RHBDL2: variants seen among roughly 807,000 people sequenced by gnomAD.
RHBDL2 encodes rhomboid-related protein 2.
Under a neutral mutation model 31.7 loss-of-function variants are expected in RHBDL2, and 26 were observed. The observed-to-expected ratio is 0.82, with a 90% CI of 0.60 to 1.14. The LOEUF (loss-of-function observed/expected upper bound fraction) is 1.14. RHBDL2 is among the 50% of genes most tolerant of loss of function. The pLI is 0.00. For synonymous variants in RHBDL2, 123 were observed against 127.2 expected, an observed-to-expected ratio of 0.97 and a Z score of 0.22; for missense variants, 336 against 364.4, an observed-to-expected ratio of 0.92 and a Z score of 0.63.
At chr1:38,905,542 G>A (rs1456259980) in intron 4 of RHBDL2, among the ~76,000 whole-genome samples, 1 of 151,076 alleles carries the variant, frequency 6.6e-6, no homozygotes, top group African/African-American at 2.4e-5. Context: ...TTGAGGCCAG[G>A]AGTTTGAAAT....
At chr1:38,931,390 G>A (rs560620144) in intron 1 of RHBDL2, among the ~76,000 whole-genome samples, 4 of 152,112 alleles carry the variant, frequency 2.6e-5, no homozygotes, top group Admixed American at 1.3e-4. Context: ...GCGTGTTGGC[G>A]GGCGCCTGTA....
chr1:38,886,517 G>T lies in RHBDL2; in HGVS notation c.899C>A (p.Ser300Tyr). ...AATAGGGGCAGGTCAGTTTGCTGGA[G>T]ATAGGAAAATGTTGAAAAACACAGC... ...LFAVFFNIFL[S>Y]PAN The change falls in exon 8 of 8, where the codon TCT (serine) becomes TAT (tyrosine). Residue 300 changes from serine (S) to tyrosine (Y), a missense_variant. Ser to Tyr is a moderately radical substitution (Grantham distance 144). Coordinates refer to ENST00000372990, the MANE Select transcript of RHBDL2 (RefSeq NM_017821.5). The T allele has an allele frequency of 1.3e-6, 2 of 1,582,676 alleles. No individual in the cohort carries two copies. Among genetic ancestry groups the T allele is most frequent in the South Asian group, 1.2e-5 (1 of 86,758 alleles).
At chr1:38,923,180 C>T (rs1287603340) in intron 1 of RHBDL2, among the ~76,000 whole-genome samples, 1 of 152,076 alleles carries the variant, frequency 6.6e-6, no homozygotes, top group Non-Finnish European at 1.5e-5. Flanking sequence ...ATTAATGCAG[C>T]CTTTTGGAAA....
intron 3 of RHBDL2, among the ~76,000 whole-genome samples, chr1:38,911,660 G>A (rs960417667): frequency 2.0e-5 from 3 of 150,938 alleles, no homozygotes; most frequent in South Asian, 2.1e-4. Flanking sequence ...GCGCGCGCGC[G>A]TGTGTGACTT....
intron 1 of RHBDL2, among the ~76,000 whole-genome samples, chr1:38,927,340 C>G (rs1439804600): frequency 6.6e-6 from 1 of 151,902 alleles, no homozygotes; most frequent in African/African-American, 2.4e-5. Context: ...GGCAGGAGAA[C>G]GGCATGAACC....
At chr1:38,926,565 G>GT (rs2124347893) in intron 1 of RHBDL2, 1 of 152,340 alleles carries the variant, frequency 6.6e-6, no homozygotes, top group South Asian at 2.1e-4. Flanking sequence ...GGCAGGGCGC[G>GT]GTGGCTCACG....
chr1:38,911,645 TGCGC>T (rs1195021985), intron 3 of RHBDL2, among the ~76,000 whole-genome samples: 71 of 64,058 alleles, frequency 1.1e-3, no homozygotes, highest in African/African-American at 2.6e-3. Flanking sequence ...TGTGTGTGTG[TGCGC>T]GCGCGCGCGC....
intron 3 of RHBDL2, chr1:38,913,741 C>T (rs966753793): frequency 6.6e-6 from 1 of 152,116 alleles, no homozygotes; most frequent in Non-Finnish European, 1.5e-5. Context: ...ATAGGTGGGG[C>T]CAACAGGAAG....
rs968620370 is a variant in RHBDL2, at chr1:38,909,402, C to T, written c.508+1920G>A. Among the ~76,000 whole-genome samples the T allele has an allele frequency of 5.5e-4, 83 of 152,036 alleles. 1 individual carries two copies. The highest frequency in any genetic ancestry group is 1.9e-3 in the African/African-American group (78 of 41,388). The stretch of plus-strand genomic sequence containing the variant: ...AATCTGAATCATTTATGCATTGCTA[C>T]GGTGAATGTAAAATGGGAGAGGCAT... On this transcript the variant is annotated intron_variant, in intron 4 of 7. Coordinates refer to ENST00000372990, the MANE Select transcript of RHBDL2 (RefSeq NM_017821.5).
At chr1:38,898,977 C>A (rs1477627207) in intron 4 of RHBDL2, among the ~76,000 whole-genome samples, 3 of 152,168 alleles carry the variant, frequency 2.0e-5, no homozygotes, top group African/African-American at 7.2e-5. Context: ...TATATCAGGA[C>A]AAAACCACAC....
intron 7 of RHBDL2, among the ~76,000 whole-genome samples, chr1:38,887,169 A>G (rs756959901): frequency 6.6e-6 from 1 of 152,182 alleles, no homozygotes; most frequent in Non-Finnish European, 1.5e-5. Context: ...TTTATTGTCA[A>G]CTTATAGAAC....
At chr1:38,912,406 G>GTTT (rs569035679) in intron 3 of RHBDL2, among the ~76,000 whole-genome samples, 1 of 143,996 alleles carries the variant, frequency 6.9e-6, no homozygotes, top group Non-Finnish European at 1.5e-5. Flanking sequence ...CGCCTGGCCC[G>GTTT]TTTTTTTTTT....
intron 1 of RHBDL2, among the ~76,000 whole-genome samples, chr1:38,934,301 T>C (rs940744821): frequency 1.3e-5 from 2 of 151,338 alleles, no homozygotes; most frequent in African/African-American, 4.9e-5. Flanking sequence ...TGAGTCGAGA[T>C]TGTGCCACTG....
At chr1:38,934,784 C>T (rs1424118285) in intron 1 of RHBDL2, among the ~76,000 whole-genome samples, 2 of 151,900 alleles carry the variant, frequency 1.3e-5, no homozygotes, top group African/African-American at 2.4e-5. Flanking sequence ...AGTCAAACCC[C>T]GTCTCTACTA....
At chr1:38,913,109 A>G (rs1305867450) in intron 3 of RHBDL2, among the ~76,000 whole-genome samples, 1 of 151,304 alleles carries the variant, frequency 6.6e-6, no homozygotes, top group Non-Finnish European at 1.5e-5. Flanking sequence ...CAGCTTCCCA[A>G]GTAGCTGCGG....
intron 1 of RHBDL2, among the ~76,000 whole-genome samples, chr1:38,935,850 G>A (rs1643498232): frequency 1.3e-5 from 2 of 152,058 alleles, no homozygotes; most frequent in South Asian, 4.1e-4. Flanking sequence ...CTGAGCTCAA[G>A]CGATCTGCCC....
chr1:38,922,141 C>A (rs1023629370), intron 1 of RHBDL2, among the ~76,000 whole-genome samples: 1 of 152,024 alleles, frequency 6.6e-6, no homozygotes, highest in Non-Finnish European at 1.5e-5. Flanking sequence ...TTGACCCAAC[C>A]GGTTTAGCCA....
At chr1:38,889,083 T>C (rs1355207603) in intron 6 of RHBDL2, among the ~76,000 whole-genome samples, 1 of 151,666 alleles carries the variant, frequency 6.6e-6, no homozygotes, top group East Asian at 1.9e-4. Flanking sequence ...AGCACAGGAG[T>C]GACATGATAG....
chr1:38,897,520 C>G (rs1372874290), intron 4 of RHBDL2, among the ~76,000 whole-genome samples: 1 of 152,010 alleles, frequency 6.6e-6, no homozygotes, highest in Non-Finnish European at 1.5e-5. Context: ...CTGAGACCAA[C>G]CCGGGCCACA....
Sources: gnomAD v4.1 joint callset for allele counts (sites outside exome capture counted in the v4.1 genomes callset) on GRCh38, gnomAD v4.1.1 for gene constraint, MANE v1.5 for transcripts, NCBI Gene and HGNC (gene_info 2026-07-23, HGNC 2026-07-21) for gene names.